KIF1B: variants seen among roughly 807,000 people sequenced by gnomAD.
KIF1B encodes kinesin-like protein KIF1B.
KIF1B carries 76 observed loss-of-function variants against 241.9 expected under a neutral mutation model. That is an observed-to-expected ratio of 0.31 (90% CI 0.26 to 0.38). The LOEUF is 0.38. Ranked by LOEUF, KIF1B falls within the 10% of genes least tolerant of loss-of-function variation. The pLI, the probability that KIF1B is intolerant of heterozygous loss-of-function variation, is 1.00. For missense variants in KIF1B, 1,622 were observed against 2,271.4 expected, an observed-to-expected ratio of 0.71 and a Z score of 5.81; for synonymous variants, 750 against 796.7, an observed-to-expected ratio of 0.94 and a Z score of 0.99.
At chr1:10,289,197 T>G (rs1376241573) in intron 15 of KIF1B, among the ~76,000 whole-genome samples, 1 of 152,200 alleles carries the variant, frequency 6.6e-6, no homozygotes, top group Non-Finnish European at 1.5e-5. Context: ...TTTGCCTAAT[T>G]GCTACTTGTC....
At chr1:10,333,919 G>A (rs1405629127) in intron 27 of KIF1B, among the ~76,000 whole-genome samples, 2 of 151,904 alleles carry the variant, frequency 1.3e-5, no homozygotes, top group Middle Eastern at 3.2e-3. Context: ...TTGGGAGGCC[G>A]AGGCGGGTGG....
At chr1:10,327,072 G>T (rs527426610) in intron 27 of KIF1B, among the ~76,000 whole-genome samples, 2 of 152,196 alleles carry the variant, frequency 1.3e-5, no homozygotes, top group East Asian at 1.9e-4. Context: ...GGCCAGGCAC[G>T]GTGGCTCACC....
At chr1:10,245,143 A>T (rs1267534410) in intron 2 of KIF1B, among the ~76,000 whole-genome samples, 1 of 152,200 alleles carries the variant, frequency 6.6e-6, no homozygotes, top group Admixed American at 6.5e-5. Context: ...TATTCTGGGG[A>T]ATTAAAAGGC....
chr1:10,268,371 C>G lies in KIF1B; in HGVS notation c.720+108C>G, dbSNP rs367958094. The G allele has an allele frequency of 3.0e-4, 230 of 756,150 alleles. 1 individual carries two copies. Among genetic ancestry groups the G allele is most frequent in the South Asian group, 2.6e-3 (178 of 68,168 alleles). The allele number at this position is 756,150 out of a possible 1,614,324, so 46.8% of individuals were successfully genotyped here. A position where few individuals can be genotyped will look rare whatever the true frequency, so the allele number is the denominator to read the frequency against. On this transcript the variant is annotated intron_variant, in intron 7 of 48. Transcript: ENST00000676179. ...GGAAGGTTGGGTGTTGGGGGGTGCTCTTTTACTTAATGGAGGGTGTTTTAT... is the reference window on the plus strand; with the variant it reads ...GGAAGGTTGGGTGTTGGGGGGTGCTGTTTTACTTAATGGAGGGTGTTTTAT...
chr1:10,295,208 C>T (rs1650201917), intron 18 of KIF1B, 43 bp downstream of exon 18: 2 of 1,176,514 alleles, frequency 1.7e-6, no homozygotes, highest in African/African-American at 3.0e-5. Flanking sequence ...TGTTTTCCCC[C>T]TCTTAGATAA....
rs372144833 is a variant in KIF1B at position 10,248,622 on chromosome 1, A to G, written c.107-7625A>G. Among the ~76,000 whole-genome samples, 6 of 152,312 alleles carry G rather than the reference A, an allele frequency of 3.9e-5. No individual in the cohort carries two copies. The South Asian group carries it at 1.2e-3, about 32-fold the overall frequency. On this transcript the variant is annotated intron_variant, in intron 2 of 48. Transcript: ENST00000676179. ...GTTCTCATGGGAGTCTTTATGTTAT[A>G]CAAATGGAGAGCAAAGTTCCCAAAC... is the stretch of plus-strand genomic sequence containing the variant.
intron 2 of KIF1B, among the ~76,000 whole-genome samples, chr1:10,255,354 C>T (rs1401767695): frequency 2.6e-5 from 4 of 151,588 alleles, no homozygotes; most frequent in Non-Finnish European, 4.4e-5. Flanking sequence ...GTTAGGGAGG[C>T]GGAGATGCGC....
chr1:10,318,932 C>T (rs1651410541), intron 22 of KIF1B, among the ~76,000 whole-genome samples: 2 of 152,062 alleles, frequency 1.3e-5, no homozygotes, highest in African/African-American at 4.8e-5. Flanking sequence ...CTCAGATATA[C>T]TACATATCTG....
In KIF1B at chr1:10,331,344, T is replaced by A. The variant is rs540379280; in HGVS notation, c.2925-3176T>A. Among the ~76,000 whole-genome samples, 20 of 152,346 alleles carry A rather than the reference T, an allele frequency of 1.3e-4. No individual in the cohort carries two copies. In the East Asian group the frequency reaches 2.9e-3, roughly 22 times the overall value. ...TGTTGCAGTAGTTGTTGTTTGAGGG[T>A]CTTGTTTAGAACTTTTTAGAACTTT... On this transcript the variant is annotated intron_variant, in intron 27 of 48. Coordinates refer to ENST00000676179, the MANE Select transcript of KIF1B (RefSeq NM_001365951.3).
chr1:10,360,968 G>A lies in KIF1B; in HGVS notation c.4095G>A (p.Leu1365=), dbSNP rs770027202. The A allele has an allele frequency of 1.2e-6, 2 of 1,613,942 alleles. No individual in the cohort carries two copies. Among genetic ancestry groups the A allele is most frequent in the East Asian group, 4.5e-5 (2 of 44,892 alleles). ...TTGAGGCTGTGTGGGATAGCTCTCT[G>A]CATAACTCCCTTCTTCTGAACCGAG... ...YRFEAVWDSS[L]HNSLLLNRVT... Residue 1365 remains leucine, a synonymous_variant, in exon 39 of 49, where the codon CTG becomes CTA. Transcript: ENST00000676179.
rs960083901 is a variant in KIF1B, at chr1:10,368,475, A to G, written c.4761A>G (p.Gln1587=). 1.4e-5 allele frequency: 22 copies of G among 1,613,890 alleles called. No individual in the cohort carries two copies. Among genetic ancestry groups the G allele is most frequent in the Non-Finnish European group, 1.6e-5 (19 of 1,179,830 alleles). Residue 1587 remains glutamine (Q), a synonymous_variant, in exon 44 of 49, where the codon CAA becomes CAG. Transcript: ENST00000676179. The part of the protein sequence containing the change: ...REKELATKCL[Q]LLTHTFNREF... ...CTCTTTCTCTTCTTTAGTGCCTGCA[A>G]CTTCTCACCCACACTTTCAACAGAG...
At chr1:10,283,432 G>C (rs1649532762) in intron 15 of KIF1B, among the ~76,000 whole-genome samples, 1 of 152,172 alleles carries the variant, frequency 6.6e-6, no homozygotes, top group Non-Finnish European at 1.5e-5. Context: ...TCCCAGCTTT[G>C]CTGTTGGAGG....
In KIF1B at chr1:10,377,705, G is replaced by A. The variant is rs7544928; in HGVS notation, c.*1118G>A. On this transcript the variant is annotated 3_prime_UTR_variant, in exon 49 of 49. Transcript: ENST00000676179. ...TGTAATCCAAGCACTTGGGGAGGCC[G>A]AGGCGGGCAGATCACGAGATCAGGA... 4,162 of 188,226 alleles carry A rather than the reference G, an allele frequency of 0.022. 204 individuals carry two copies. Among genetic ancestry groups the A allele is most frequent in the African/African-American group, 0.09 (3,854 of 42,902 alleles). 11.7% of individuals were successfully genotyped at this position (188,226 alleles called of 1,614,324 possible).
intron 2 of KIF1B, among the ~76,000 whole-genome samples, chr1:10,248,879 A>G (rs1647294624): frequency 6.6e-6 from 1 of 152,232 alleles, no homozygotes; most frequent in Non-Finnish European, 1.5e-5. Context: ...GGTCTGGAGT[A>G]TGCTGTGTGT....
At chr1:10,368,638 C>A in intron 44 of KIF1B, 100 bp downstream of exon 44, 1 of 952,858 alleles carries the variant, frequency 1.0e-6, no homozygotes. Context: ...TTTTAAGCAA[C>A]TTGTCATGGG....
chr1:10,215,457 T>C (rs959161591), intron 1 of KIF1B, among the ~76,000 whole-genome samples: 5 of 152,110 alleles, frequency 3.3e-5, no homozygotes, highest in African/African-American at 1.2e-4. Flanking sequence ...ATTACAGGCA[T>C]GAGCCACTGT....
At chr1:10,277,945 A>G in intron 12 of KIF1B, 41 bp from the exon 13 acceptor site, 1 of 1,580,552 alleles carries the variant, frequency 6.3e-7, no homozygotes, top group Non-Finnish European at 8.7e-7. Context: ...GAAGTAGAAC[A>G]TATGAGAAAT....
At chr1:10,281,465 A>G (rs1272810452) in intron 14 of KIF1B, among the ~76,000 whole-genome samples, 2 of 152,198 alleles carry the variant, frequency 1.3e-5, no homozygotes, top group Non-Finnish European at 2.9e-5. Flanking sequence ...AGACTTAGTA[A>G]ATGGAAGTAT....
chr1:10,347,828 G>C lies in KIF1B; in HGVS notation c.3864+1G>C. On this transcript the variant is annotated splice_donor_variant, in intron 36 of 48. Coordinates refer to ENST00000676179, the MANE Select transcript of KIF1B (RefSeq NM_001365951.3). LOFTEE classifies it high-confidence loss of function. ...CCAGGGGACATTTTTGCTTCATCAG[G>C]TACTAATGAGGGACCAAAACAGGCA... The C allele has an allele frequency of 6.2e-7, 1 of 1,610,884 alleles. No homozygotes were observed. The highest frequency in any genetic ancestry group is 8.5e-7 in the Non-Finnish European group (1 of 1,177,222).
Sources: gnomAD v4.1 joint callset for allele counts (sites outside exome capture counted in the v4.1 genomes callset) on GRCh38, gnomAD v4.1.1 for gene constraint, MANE v1.5 for transcripts, NCBI Gene and HGNC (gene_info 2026-07-23, HGNC 2026-07-21) for gene names.